Variants in FNBP1L observed in about 807,000 individuals in gnomAD.
FNBP1L encodes formin-binding protein 1-like.
FNBP1L carries 36 observed loss-of-function variants against 91.2 expected under a neutral mutation model. The ratio of observed to expected loss-of-function variants is 0.39; its 90% CI spans 0.30 to 0.52. The LOEUF is 0.52. FNBP1L is among the 20% of genes least tolerant of loss of function. The pLI, the probability that FNBP1L is intolerant of heterozygous loss-of-function variation, is 0.66. For synonymous variants in FNBP1L, 242 were observed against 237.0 expected, an observed-to-expected ratio of 1.02 and a Z score of -0.19; for missense variants, 571 against 732.1, an observed-to-expected ratio of 0.78 and a Z score of 2.54.
At chr1:93,506,671 A>C (rs867917978) in intron 2 of FNBP1L, among the ~76,000 whole-genome samples, 18 of 152,224 alleles carry the variant, frequency 1.2e-4, no homozygotes, top group African/African-American at 4.3e-4. Context: ...AAATATTGAA[A>C]GGTTGAAAAT....
chr1:93,519,022 C>A (rs1671227563), intron 2 of FNBP1L, among the ~76,000 whole-genome samples: 1 of 152,166 alleles, frequency 6.6e-6, no homozygotes, highest in Non-Finnish European at 1.5e-5. Flanking sequence ...GTTTGCTAAC[C>A]ATGACTCGTC....
At chr1:93,535,453 G>C (rs1377720298) in intron 9 of FNBP1L, among the ~76,000 whole-genome samples, 2 of 152,030 alleles carry the variant, frequency 1.3e-5, no homozygotes, top group African/African-American at 4.8e-5. Context: ...CTTTATTTTA[G>C]ATAGATCTAG....
At chr1:93,552,279 C>A (rs988076763) in intron 16 of FNBP1L, 130 bp from the exon 17 acceptor site, 1 of 1,459,162 alleles carries the variant, frequency 6.9e-7, no homozygotes, top group African/African-American at 1.4e-5. Flanking sequence ...TTTAAATTTT[C>A]CTGGTGTTTT....
At chr1:93,539,917 G>GA (rs1283490423) in intron 10 of FNBP1L, among the ~76,000 whole-genome samples, 8 of 152,092 alleles carry the variant, frequency 5.3e-5, no homozygotes, top group Non-Finnish European at 1.5e-5. Context: ...TTTTTAATGT[G>GA]AATTTTTTAT....
chr1:93,508,451 C>T (rs1670707850), intron 2 of FNBP1L, among the ~76,000 whole-genome samples: 1 of 152,072 alleles, frequency 6.6e-6, no homozygotes, highest in Non-Finnish European at 1.5e-5. Context: ...TGTAGTTTTT[C>T]AGGTTGCAGG....
At chr1:93,543,975 T>TCAAATCA in intron 11 of FNBP1L, 132 bp from the exon 12 acceptor site, 1 of 507,356 alleles carries the variant, frequency 2.0e-6, no homozygotes. Flanking sequence ...TTCTTTTTTT[T>TCAAATCA]TTAAGGGGTT....
At chr1:93,466,066 T>G (rs1009338533) in intron 1 of FNBP1L, among the ~76,000 whole-genome samples, 11 of 152,170 alleles carry the variant, frequency 7.2e-5, no homozygotes, top group Admixed American at 3.9e-4. Flanking sequence ...TTTTTTTTTC[T>G]TGTAAATTTG....
chr1:93,544,333 T>C (rs905859831), intron 12 of FNBP1L, 117 bp downstream of exon 12: 24 of 572,804 alleles, frequency 4.2e-5, no homozygotes, highest in Admixed American at 7.9e-5. Context: ...AAATATCTTT[T>C]GAGAGAGAAT....
chr1:93,504,320 C>T (rs1670534952), intron 2 of FNBP1L, among the ~76,000 whole-genome samples: 1 of 152,022 alleles, frequency 6.6e-6, no homozygotes, highest in Admixed American at 6.6e-5. Context: ...ATTGTGTCTG[C>T]TAAGAACAGT....
At chr1:93,514,980 CA>C (rs1286964422) in intron 2 of FNBP1L, among the ~76,000 whole-genome samples, 1 of 152,108 alleles carries the variant, frequency 6.6e-6, no homozygotes, top group Admixed American at 6.5e-5. Flanking sequence ...AGTGAACAGG[CA>C]ACCTACAAAA....
At chr1:93,465,473 G>A (rs1669043923) in intron 1 of FNBP1L, among the ~76,000 whole-genome samples, 1 of 151,852 alleles carries the variant, frequency 6.6e-6, no homozygotes, top group Admixed American at 6.6e-5. Context: ...CTGTCCTTGT[G>A]ATAGTTTGCT....
intron 12 of FNBP1L, among the ~76,000 whole-genome samples, chr1:93,544,875 G>A (rs1016008869): frequency 3.3e-5 from 5 of 152,042 alleles, no homozygotes; most frequent in South Asian, 2.1e-4. Context: ...CACTACCTTT[G>A]ATTCTCATTC....
At position 93,516,754 on chromosome 1, in the gene FNBP1L, C is replaced by G. The variant is rs545765012; in HGVS notation, c.141-5328C>G. On this transcript the variant is annotated intron_variant, in intron 2 of 16. Transcript: ENST00000271234. The stretch of plus-strand genomic sequence containing the variant: ...TAGTCAATCTTTGAAACTACTCACT[C>G]TATGAAATGCTTTTTGCTTAAATTT... 1.1e-4 allele frequency among the ~76,000 whole-genome samples: 16 copies of G among 152,198 alleles called. No individual in the cohort carries two copies. The South Asian group carries it at 2.9e-3, about 28-fold the overall frequency.
At chr1:93,462,991 A>G (rs190905484) in intron 1 of FNBP1L, among the ~76,000 whole-genome samples, 27 of 152,116 alleles carry the variant, frequency 1.8e-4, no homozygotes, top group African/African-American at 2.4e-4. Context: ...TTATTCATCA[A>G]TCATTTATTT....
intron 10 of FNBP1L, among the ~76,000 whole-genome samples, chr1:93,540,410 C>T (rs1035556256): frequency 5.9e-5 from 9 of 152,010 alleles, no homozygotes; most frequent in African/African-American, 2.2e-4. Flanking sequence ...AACCTATATA[C>T]TTGTATATAT....
At chr1:93,463,780 C>A (rs1050658726) in intron 1 of FNBP1L, among the ~76,000 whole-genome samples, 1 of 152,158 alleles carries the variant, frequency 6.6e-6, no homozygotes, top group African/African-American at 2.4e-5. Flanking sequence ...TCTTCGTTTC[C>A]AGAGTTACTT....
intron 2 of FNBP1L, among the ~76,000 whole-genome samples, chr1:93,512,240 C>T (rs1007626794): frequency 3.9e-5 from 6 of 152,090 alleles, no homozygotes; most frequent in African/African-American, 1.2e-4. Flanking sequence ...AATATATATG[C>T]ACCAAATACA....
intron 1 of FNBP1L, among the ~76,000 whole-genome samples, chr1:93,458,845 T>C (rs1321621923): frequency 6.6e-6 from 1 of 152,258 alleles, no homozygotes; most frequent in Non-Finnish European, 1.5e-5. Context: ...TTATTAGTAT[T>C]GTTGTTAATC....
chr1:93,461,484 T>G (rs1668862578), intron 1 of FNBP1L, among the ~76,000 whole-genome samples: 4 of 152,194 alleles, frequency 2.6e-5, no homozygotes, highest in Admixed American at 2.6e-4. Context: ...GCAATTGTTT[T>G]GGACTTTCCT....
Sources: gnomAD v4.1 joint callset for allele counts (sites outside exome capture counted in the v4.1 genomes callset) on GRCh38, gnomAD v4.1.1 for gene constraint, MANE v1.5 for transcripts, NCBI Gene and HGNC (gene_info 2026-07-23, HGNC 2026-07-21) for gene names.